RALGPS2: variants seen among roughly 807,000 people sequenced by gnomAD.
RALGPS2 encodes the protein ras-specific guanine nucleotide-releasing factor RalGPS2.
In RALGPS2, 43 loss-of-function variants were observed where a neutral mutation model predicts 86.8. The ratio of observed to expected loss-of-function variants is 0.50; its 90% confidence interval spans 0.39 to 0.64. The LOEUF (loss-of-function observed/expected upper bound fraction) is 0.64, where lower values mean the gene tolerates loss of function less well. Among genes scored for constraint, RALGPS2 ranks in the 30% least tolerant of loss-of-function variants. The pLI is 0.00. For missense variants in RALGPS2, 536 were observed against 694.6 expected, an observed-to-expected ratio of 0.77 and a Z score of 2.57; for synonymous variants, 243 against 231.3, an observed-to-expected ratio of 1.05 and a Z score of -0.46.
intron 2 of RALGPS2, among the ~76,000 whole-genome samples, chr1:178,779,909 T>C (rs1005822698): frequency 6.6e-6 from 1 of 152,162 alleles, no homozygotes; most frequent in Non-Finnish European, 1.5e-5. Flanking sequence ...AATTTTTGTA[T>C]TTTTAGTAGA....
intron 1 of RALGPS2, among the ~76,000 whole-genome samples, chr1:178,758,782 T>C (rs543234206): frequency 6.6e-6 from 1 of 152,370 alleles, no homozygotes; most frequent in East Asian, 1.9e-4. Flanking sequence ...TATAATATTT[T>C]CTTTATCCAT....
chr1:178,821,066 A>G (rs1322111583), intron 6 of RALGPS2, among the ~76,000 whole-genome samples: 1 of 152,208 alleles, frequency 6.6e-6, no homozygotes, highest in Non-Finnish European at 1.5e-5. Context: ...TACAGACTGT[A>G]AAATCAATGT....
intron 1 of RALGPS2, among the ~76,000 whole-genome samples, chr1:178,751,584 T>G (rs1477457932): frequency 1.3e-5 from 2 of 152,170 alleles, no homozygotes; most frequent in Non-Finnish European, 2.9e-5. Context: ...AATATTTATC[T>G]TAGAGGAGTA....
intron 5 of RALGPS2, among the ~76,000 whole-genome samples, chr1:178,810,377 A>C (rs1295633667): frequency 6.6e-6 from 1 of 152,072 alleles, no homozygotes; most frequent in Non-Finnish European, 1.5e-5. Context: ...ACAGAACAAG[A>C]CTCTGTCTCC....
At chr1:178,785,505 T>C (rs1466889994) in intron 3 of RALGPS2, 52 bp from the exon 4 acceptor site, 4 of 1,525,030 alleles carry the variant, frequency 2.6e-6, no homozygotes. Flanking sequence ...AGGTTACATG[T>C]TATGGTATAG....
intron 8 of RALGPS2, chr1:178,851,432 C>A: frequency 1.1e-6 from 1 of 912,404 alleles, no homozygotes; most frequent in East Asian, 3.0e-5. Context: ...TCCCAGTTAC[C>A]TTTATCTCAG....
intron 16 of RALGPS2, among the ~76,000 whole-genome samples, chr1:178,895,693 A>G (rs1484576272): frequency 6.6e-6 from 1 of 152,010 alleles, no homozygotes; most frequent in Non-Finnish European, 1.5e-5. Flanking sequence ...ATTAAACATG[A>G]TGTATGAGAG....
intron 7 of RALGPS2, among the ~76,000 whole-genome samples, chr1:178,824,536 T>C (rs1655658784): frequency 6.6e-6 from 1 of 152,020 alleles, no homozygotes; most frequent in Non-Finnish European, 1.5e-5. Context: ...CCGGGTGCAG[T>C]GGTGGCTCAT....
At chr1:178,889,059 T>A (rs1308605698) in intron 13 of RALGPS2, among the ~76,000 whole-genome samples, 1 of 152,082 alleles carries the variant, frequency 6.6e-6, no homozygotes, top group Non-Finnish European at 1.5e-5. Flanking sequence ...CCCTAGCTAA[T>A]TGTAAACGTT....
chr1:178,755,404 A>G (rs1651901849), intron 1 of RALGPS2, among the ~76,000 whole-genome samples: 1 of 152,006 alleles, frequency 6.6e-6, no homozygotes, highest in Non-Finnish European at 1.5e-5. Context: ...ATACCCATTG[A>G]TTAGCTCCCA....
rs539113551 is a variant in RALGPS2 at position 178,915,941 on chromosome 1, TTGTAA to T, written c.1723-387_1723-383del. Among the ~76,000 whole-genome samples, 368 of 152,324 alleles carry T rather than the reference TTGTAA, an allele frequency of 2.4e-3. 1 individual carries two copies. Among genetic ancestry groups the T allele is most frequent in the African/African-American group, 8.4e-3 (350 of 41,560 alleles). ...TTTAAAAATATGCACCTAGGAATTTTTGTAATATATAATGAGAAAATAAATAATGG... is the reference window on the plus strand; with the variant it reads ...TTTAAAAATATGCACCTAGGAATTTTTATATAATGAGAAAATAAATAATGG... On this transcript the variant is annotated intron_variant, in intron 19 of 19. Coordinates refer to ENST00000367635, the MANE Select transcript of RALGPS2 (RefSeq NM_152663.5).
rs754199720 is a variant in RALGPS2, at chr1:178,748,987, TTTTG to T, written c.-84+23580_-84+23583del. Among the ~76,000 whole-genome samples the T allele has an allele frequency of 2.8e-4, 43 of 152,150 alleles. 1 individual carries two copies. Among genetic ancestry groups the T allele is most frequent in the Admixed American group, 6.5e-4 (10 of 15,270 alleles). The stretch of plus-strand genomic sequence containing the variant: ...GTGTGTAACCTATATATAAAGGTTT[TTTTG>T]TTTGTTTGTTTTGTTTTTTAAACAT... On this transcript the variant is annotated intron_variant, in intron 1 of 19. Transcript: ENST00000367635.
intron 1 of RALGPS2, among the ~76,000 whole-genome samples, chr1:178,750,164 T>C (rs1437553488): frequency 2.0e-5 from 3 of 152,146 alleles, no homozygotes; most frequent in Admixed American, 2.0e-4. Context: ...TCCATTTTTG[T>C]TCTAGGCGAG....
intron 8 of RALGPS2, among the ~76,000 whole-genome samples, chr1:178,855,000 C>A (rs1283563073): frequency 6.6e-6 from 1 of 151,946 alleles, no homozygotes; most frequent in South Asian, 2.1e-4. Context: ...CCCTAAAGAT[C>A]TCTTAGAACA....
chr1:178,814,611 T>TTTTTGTTTTG (rs557574017), intron 6 of RALGPS2, among the ~76,000 whole-genome samples: 1 of 152,080 alleles, frequency 6.6e-6, no homozygotes, highest in African/African-American at 2.4e-5. Context: ...AATTTCTGTT[T>TTTTTGTTTTG]TTTTGTTTTG....
intron 4 of RALGPS2, among the ~76,000 whole-genome samples, chr1:178,801,706 A>G (rs542286984): frequency 5.9e-4 from 90 of 152,194 alleles, no homozygotes; most frequent in Non-Finnish European, 9.4e-4. Flanking sequence ...GATTGTGGAT[A>G]TGGCAAAAAA....
chr1:178,732,249 G>A (rs1304983588), intron 1 of RALGPS2, among the ~76,000 whole-genome samples: 1 of 152,036 alleles, frequency 6.6e-6, no homozygotes, highest in African/African-American at 2.4e-5. Flanking sequence ...AGCAGTAAGG[G>A]CTCACTTGAG....
intron 8 of RALGPS2, chr1:178,865,877 TAAA>T: frequency 5.6e-6 from 5 of 885,250 alleles, no homozygotes; most frequent in South Asian, 3.7e-5. Flanking sequence ...TCAGTAATCT[TAAA>T]AACTATCTGA....
At chr1:178,788,841 CTTTCTTTTCT>C (rs199644509) in intron 4 of RALGPS2, among the ~76,000 whole-genome samples, 42,991 of 132,016 alleles carry the variant, frequency 0.33, 6,730 homozygotes, top group African/African-American at 0.35. Flanking sequence ...TTCTTTCTTT[CTTTCTTTTCT>C]TTTCTTTTCT....
Sources: gnomAD v4.1 joint callset for allele counts (sites outside exome capture counted in the v4.1 genomes callset) on GRCh38, gnomAD v4.1.1 for gene constraint, MANE v1.5 for transcripts, NCBI Gene and HGNC (gene_info 2026-07-23, HGNC 2026-07-21) for gene names.